RHBDL3: variants seen among roughly 807,000 people sequenced by gnomAD.
RHBDL3 encodes the protein rhomboid like 3, also known as rhomboid-related protein 3.
Under a neutral mutation model 48.2 loss-of-function variants are expected in RHBDL3, and 28 were observed. That is an observed-to-expected ratio of 0.58 (90% CI 0.43 to 0.80). The LOEUF (loss-of-function observed/expected upper bound fraction) is 0.80. Among genes scored for constraint, RHBDL3 ranks in the 30% least tolerant of loss-of-function variants. RHBDL3 has a pLI of 0.00. For synonymous variants in RHBDL3, 208 were observed against 232.3 expected, an observed-to-expected ratio of 0.90 and a Z score of 0.95; for missense variants, 464 against 542.7, an observed-to-expected ratio of 0.85 and a Z score of 1.44.
chr17:32,273,208 G>T (rs1020306159), intron 2 of RHBDL3, among the ~76,000 whole-genome samples: 3 of 152,134 alleles, frequency 2.0e-5, no homozygotes, highest in Non-Finnish European at 1.5e-5. Context: ...CACCACTTTG[G>T]CCAGGCTGGT....
At chr17:32,284,575 T>C in intron 2 of RHBDL3, 84 bp from the exon 3 acceptor site, 1 of 1,346,864 alleles carries the variant, frequency 7.4e-7, no homozygotes. Flanking sequence ...AGCCAGTGAA[T>C]AGTGGTGGAG....
intron 2 of RHBDL3, among the ~76,000 whole-genome samples, chr17:32,271,515 G>A (rs2039774556): frequency 6.6e-6 from 1 of 152,136 alleles, no homozygotes. Flanking sequence ...TTTGATTCAA[G>A]GTCAAATATT....
At chr17:32,288,689 T>C (rs2040253181) in intron 3 of RHBDL3, 103 bp from the exon 4 acceptor site, 4 of 751,428 alleles carry the variant, frequency 5.3e-6, no homozygotes, top group Admixed American at 2.6e-5. Context: ...GAAAGGGAAA[T>C]GCGGGGTCAG....
intron 5 of RHBDL3, among the ~76,000 whole-genome samples, chr17:32,295,727 C>T (rs565016397): frequency 4.6e-5 from 7 of 152,356 alleles, no homozygotes; most frequent in African/African-American, 1.7e-4. Flanking sequence ...AGCCCTGTCC[C>T]AGGAGCTTCC....
At position 32,266,178 on chromosome 17, in the gene RHBDL3, C is replaced by T; in HGVS notation, c.-12C>T. The T allele has an allele frequency of 8.6e-7, 1 of 1,156,098 alleles. No individual in the cohort carries two copies. Among genetic ancestry groups the T allele is most frequent in the African/African-American group, 1.6e-5 (1 of 62,208 alleles). The allele number at this position is 1,156,098 out of a possible 1,614,324, so 71.6% of individuals were successfully genotyped here. On this transcript the variant is annotated 5_prime_UTR_variant, in exon 1 of 9. Coordinates refer to ENST00000269051, the MANE Select transcript of RHBDL3 (RefSeq NM_138328.3). ...CCCGCAGCCGCCGCCGCCCCCGGAC[C>T]CCGTCTCGGCCATGGGCGAGCACCC...
chr17:32,291,151 G>A (rs929606924), intron 4 of RHBDL3, among the ~76,000 whole-genome samples: 1 of 151,248 alleles, frequency 6.6e-6, no homozygotes, highest in African/African-American at 2.4e-5. Flanking sequence ...TGGCCAACAT[G>A]GTGAAACCCT....
At chr17:32,272,747 C>G (rs960510399) in intron 2 of RHBDL3, among the ~76,000 whole-genome samples, 1 of 152,216 alleles carries the variant, frequency 6.6e-6, no homozygotes, top group Non-Finnish European at 1.5e-5. Flanking sequence ...CCGAGGGATC[C>G]GAGGTTGAAC....
chr17:32,295,965 G>A (rs1458269271), intron 5 of RHBDL3, among the ~76,000 whole-genome samples: 4 of 152,234 alleles, frequency 2.6e-5, no homozygotes, highest in Non-Finnish European at 5.9e-5. Flanking sequence ...GGTGGCTCAC[G>A]CCTGTAATCC....
intron 4 of RHBDL3, among the ~76,000 whole-genome samples, chr17:32,289,306 C>A (rs990967254): frequency 6.6e-6 from 1 of 151,940 alleles, no homozygotes; most frequent in African/African-American, 2.4e-5. Context: ...CACCCCAAAA[C>A]AACAGCAATA....
At chr17:32,285,121 GGAGGGAGGGAGAGAGA>G (rs1196107095) in intron 3 of RHBDL3, among the ~76,000 whole-genome samples, 2 of 151,710 alleles carry the variant, frequency 1.3e-5, no homozygotes, top group African/African-American at 2.4e-5. Flanking sequence ...CAGAAGGGAG[GGAGGGAGGGAGAGAGA>G]GAGGGAGGGA....
intron 5 of RHBDL3, among the ~76,000 whole-genome samples, chr17:32,295,032 T>C (rs951729831): frequency 6.6e-6 from 1 of 152,200 alleles, no homozygotes; most frequent in Admixed American, 6.5e-5. Context: ...AAGAGCAGTC[T>C]GGAGGCTTTT....
At chr17:32,300,976 G>A (rs529356307) in intron 6 of RHBDL3, among the ~76,000 whole-genome samples, 4 of 152,042 alleles carry the variant, frequency 2.6e-5, no homozygotes, top group South Asian at 2.1e-4. Context: ...CGCCTCTTGC[G>A]TTCAAGCAAT....
intron 2 of RHBDL3, chr17:32,280,525 A>G (rs2040018065): frequency 6.6e-6 from 1 of 152,244 alleles, no homozygotes. Flanking sequence ...AGAGAGGGTC[A>G]GCCACACCCC....
At chr17:32,295,536 G>A (rs9893802) in intron 5 of RHBDL3, among the ~76,000 whole-genome samples, 8,546 of 152,312 alleles carry the variant, frequency 0.056, 733 homozygotes, top group African/African-American at 0.19. Context: ...ACAGACACGG[G>A]GGCTTCCCTG....
In RHBDL3 at chr17:32,298,211, A is replaced by AGGTAGGCC. The variant is rs1242545570; in HGVS notation, c.781+8_781+15dup. 3.1e-6 allele frequency: 5 copies of AGGTAGGCC among 1,597,934 alleles called. No homozygotes were observed. The African/African-American group carries it at 6.7e-5, about 21-fold the overall frequency. ...GTGGCCGGTGTTGTGGCAGGTAGGC[A>AGGTAGGCC]GGTAGGCCCCGTGTCCACAAAGGCA... On this transcript the variant is annotated splice_region_variant and intron_variant, in intron 6 of 8. Coordinates refer to ENST00000269051, the MANE Select transcript of RHBDL3 (RefSeq NM_138328.3).
At chr17:32,320,839 G>T in intron 8 of RHBDL3, 119 bp from the exon 9 acceptor site, 1 of 706,172 alleles carries the variant, frequency 1.4e-6, no homozygotes, top group South Asian at 1.7e-5. Context: ...TGTGTCCCCA[G>T]TGCAGAGAAT....
In RHBDL3 at chr17:32,296,356, G is replaced by A. The variant is rs1381016637; in HGVS notation, c.669-1736G>A. Among the ~76,000 whole-genome samples, 23 of 81,808 alleles carry A rather than the reference G, an allele frequency of 2.8e-4. No homozygotes were observed. The East Asian group carries it at 6.6e-3, about 23-fold the overall frequency. The allele number at this position is 81,808 out of a possible 152,430, so 53.7% of individuals were successfully genotyped here. A position where few individuals can be genotyped will look rare whatever the true frequency, so the allele number is the denominator to read the frequency against. On this transcript the variant is annotated intron_variant, in intron 5 of 8. Transcript: ENST00000269051. The stretch of plus-strand genomic sequence containing the variant: ...CTTTTTTTTTTTTTTTTTTTTTTGA[G>A]ATGGAGTCTCGTTGTGTCACCCAGG...
intron 3 of RHBDL3, among the ~76,000 whole-genome samples, chr17:32,287,214 G>C (rs1439195736): frequency 2.0e-5 from 3 of 152,208 alleles, no homozygotes; most frequent in Non-Finnish European, 4.4e-5. Flanking sequence ...TGGATGGTGA[G>C]TGTGTACCCC....
chr17:32,277,376 T>G (rs1234953121), intron 2 of RHBDL3, among the ~76,000 whole-genome samples: 1 of 152,236 alleles, frequency 6.6e-6, no homozygotes, highest in Non-Finnish European at 1.5e-5. Context: ...CTCTCTCTCA[T>G]GCTTCCCTGT....
Sources: gnomAD v4.1 joint callset for allele counts (sites outside exome capture counted in the v4.1 genomes callset) on GRCh38, gnomAD v4.1.1 for gene constraint, MANE v1.5 for transcripts, NCBI Gene and HGNC (gene_info 2026-07-23, HGNC 2026-07-21) for gene names.